Variants in LNX1 observed in about 807,000 individuals in gnomAD.
LNX1 encodes the protein E3 ubiquitin-protein ligase LNX.
Under a neutral mutation model 68.4 loss-of-function variants are expected in LNX1, and 54 were observed. The ratio of observed to expected loss-of-function variants is 0.79; its 90% CI spans 0.63 to 0.99. The LOEUF (loss-of-function observed/expected upper bound fraction) is 0.99, where lower values mean the gene tolerates loss of function less well. Among genes scored for constraint, LNX1 ranks in the 50% least tolerant of loss-of-function variants. The pLI is 0.00. For synonymous variants in LNX1, 336 were observed against 350.0 expected, an observed-to-expected ratio of 0.96 and a Z score of 0.45; for missense variants, 906 against 926.4, an observed-to-expected ratio of 0.98 and a Z score of 0.29.
chr4:53,570,343 G>A lies in LNX1; in HGVS notation c.380+3280C>T, dbSNP rs1277966879. On this transcript the variant is annotated intron_variant, in intron 2 of 10. Coordinates refer to ENST00000263925, the MANE Select transcript of LNX1 (RefSeq NM_001126328.3). ...GGAATACTATGTAGCCATAAAAAAT[G>A]ATGAGTTCATGTCCTTTGTAGGGAC... Among the ~76,000 whole-genome samples the A allele has an allele frequency of 1.3e-3, 191 of 150,070 alleles. 2 individuals carry two copies. Among genetic ancestry groups the A allele is most frequent in the African/African-American group, 4.7e-3 (189 of 40,512 alleles).
chr4:53,587,113 C>A (rs543497533), intron 1 of LNX1, among the ~76,000 whole-genome samples: 1 of 152,174 alleles, frequency 6.6e-6, no homozygotes, highest in Non-Finnish European at 1.5e-5. Context: ...ACTACATTTT[C>A]GGACAACTCT....
At chr4:53,461,683 G>T in intron 9 of LNX1, 90 bp from the exon 10 acceptor site, 1 of 1,055,566 alleles carries the variant, frequency 9.5e-7, no homozygotes, top group Non-Finnish European at 1.4e-6. Flanking sequence ...TCCTTTTGTT[G>T]GCATTTTTAA....
intron 1 of LNX1, among the ~76,000 whole-genome samples, chr4:53,645,807 A>G (rs1354370620): frequency 2.0e-5 from 3 of 152,220 alleles, no homozygotes. Context: ...CTGTGTCTCA[A>G]TAAAGATGTT....
intron 8 of LNX1, among the ~76,000 whole-genome samples, chr4:53,477,949 A>G (rs760194239): frequency 1.3e-5 from 2 of 152,198 alleles, no homozygotes; most frequent in African/African-American, 2.4e-5. Context: ...TTTAAATGGC[A>G]TAATTCCTCA....
chr4:53,597,754 G>T (rs1316191112), intron 2 of LNX1, among the ~76,000 whole-genome samples: 1 of 152,118 alleles, frequency 6.6e-6, no homozygotes, highest in African/African-American at 2.4e-5. Context: ...TTTAGCCATT[G>T]TCATTTCAAA....
chr4:53,618,537 C>G (rs1733758643), upstream of LNX1, among the ~76,000 whole-genome samples: 1 of 152,176 alleles, frequency 6.6e-6, no homozygotes, highest in African/African-American at 2.4e-5. Flanking sequence ...CAGAGCTAAT[C>G]AAGCCCTGGG....
intron 2 of LNX1, among the ~76,000 whole-genome samples, chr4:53,545,766 G>C (rs1369151118): frequency 6.6e-6 from 1 of 151,270 alleles, no homozygotes; most frequent in African/African-American, 2.4e-5. Context: ...GATGAGCCAG[G>C]ATTTGTACTC....
At chr4:53,477,409 A>G (rs1322903160) in intron 8 of LNX1, among the ~76,000 whole-genome samples, 1 of 152,182 alleles carries the variant, frequency 6.6e-6, no homozygotes, top group Admixed American at 6.5e-5. Flanking sequence ...TATGGATTGA[A>G]TGAAAAGAAA....
intron 2 of LNX1, among the ~76,000 whole-genome samples, chr4:53,550,578 C>G (rs1411640630): frequency 6.6e-6 from 1 of 152,180 alleles, no homozygotes; most frequent in African/African-American, 2.4e-5. Flanking sequence ...TTGGGAATGG[C>G]TAACACAGTG....
chr4:53,607,775 CAT>C (rs1393639738), intron 2 of LNX1, among the ~76,000 whole-genome samples: 1 of 152,104 alleles, frequency 6.6e-6, no homozygotes, highest in Non-Finnish European at 1.5e-5. Context: ...AAAACAGACA[CAT>C]AGACCAACAG....
At chr4:53,576,571 CT>C (rs1445799827) in intron 1 of LNX1, among the ~76,000 whole-genome samples, 1 of 152,012 alleles carries the variant, frequency 6.6e-6, no homozygotes, top group Non-Finnish European at 1.5e-5. Flanking sequence ...AAATCCCTGA[CT>C]TCACAGAGCT....
At chr4:53,572,127 A>C (rs1731207561) in intron 2 of LNX1, among the ~76,000 whole-genome samples, 1 of 151,704 alleles carries the variant, frequency 6.6e-6, no homozygotes, top group Admixed American at 6.6e-5. Context: ...TGTGGCTCCC[A>C]CTCTCAAACC....
chr4:53,544,820 CAT>C lies in LNX1; in HGVS notation c.380+28801_380+28802del, dbSNP rs535913869. Reference sequence around the variant, plus strand: ...AGTCTGTCAGTCCTCACAGTAGCTCCATGAGGTTGATGCAATGACATCATAAC... The same window carrying C: ...AGTCTGTCAGTCCTCACAGTAGCTCCGAGGTTGATGCAATGACATCATAAC... On this transcript the variant is annotated intron_variant, in intron 2 of 10. Transcript: ENST00000263925. Among the ~76,000 whole-genome samples, 22 of 152,276 alleles carry C rather than the reference CAT, an allele frequency of 1.4e-4. No homozygotes were observed. In the South Asian group the frequency reaches 2.9e-3, roughly 20 times the overall value.
At chr4:53,531,477 C>T (rs1041749149) in intron 2 of LNX1, among the ~76,000 whole-genome samples, 3 of 152,208 alleles carry the variant, frequency 2.0e-5, no homozygotes, top group Non-Finnish European at 2.9e-5. Context: ...TCATTCTATA[C>T]ACACAGCTCC....
chr4:53,508,230 G>C lies in LNX1; in HGVS notation c.381-3C>G. 6.2e-7 allele frequency: 1 copy of C among 1,611,518 alleles called. No individual in the cohort carries two copies. On this transcript the variant is annotated splice_region_variant and splice_polypyrimidine_tract_variant and intron_variant, in intron 2 of 10. Coordinates refer to ENST00000263925, the MANE Select transcript of LNX1 (RefSeq NM_001126328.3). ...CGTAGTGGGAGGCACCTTTACAGCT[G>C]TAACAGAACCAGCGGGGAGGTGAAG...
At chr4:53,576,592 G>A (rs1320723672) in intron 1 of LNX1, among the ~76,000 whole-genome samples, 1 of 151,952 alleles carries the variant, frequency 6.6e-6, no homozygotes, top group African/African-American at 2.4e-5. Context: ...TGACATTCTA[G>A]TGGGGCTAAG....
intron 2 of LNX1, among the ~76,000 whole-genome samples, chr4:53,508,921 C>A (rs1726122097): frequency 7.3e-6 from 1 of 136,220 alleles, no homozygotes; most frequent in South Asian, 2.6e-4. Flanking sequence ...TTGTCTCTAC[C>A]CATTCACTAT....
intron 2 of LNX1, among the ~76,000 whole-genome samples, chr4:53,572,541 TA>T (rs1197989748): frequency 6.6e-6 from 1 of 152,048 alleles, no homozygotes; most frequent in Non-Finnish European, 1.5e-5. Flanking sequence ...ATGTGACCTT[TA>T]AAAAAAATAC....
intron 1 of LNX1, among the ~76,000 whole-genome samples, chr4:53,623,931 T>C (rs970226024): frequency 2.0e-5 from 3 of 152,194 alleles, no homozygotes; most frequent in Non-Finnish European, 4.4e-5. Context: ...TCTTTTAGCT[T>C]GAATACAAAC....
Sources: allele counts gnomAD v4.1 joint callset (sites outside exome capture counted in the v4.1 genomes callset), GRCh38; gene constraint gnomAD v4.1.1; transcripts MANE v1.5; gene names NCBI Gene and HGNC (gene_info 2026-07-23, HGNC 2026-07-21).